P3H2: variants seen among roughly 807,000 people sequenced by gnomAD.
P3H2 encodes the protein leprecan-like 1.
In P3H2, 80 loss-of-function variants were observed where a neutral mutation model predicts 87.0. The observed-to-expected ratio is 0.92, with a 90% CI of 0.77 to 1.11. P3H2 has a LOEUF of 1.11. Ranked by LOEUF, P3H2 falls within the 50% of genes least tolerant of loss-of-function variation. The pLI is 0.00. For synonymous variants in P3H2, 367 were observed against 359.3 expected (o/e 1.02, Z -0.24); for missense variants, 1,001 against 923.9 (o/e 1.08, Z -1.08).
intron 1 of P3H2, among the ~76,000 whole-genome samples, chr3:190,088,443 C>CACTACACTGATGTACAAGGTAAG (rs1727297779): frequency 6.6e-6 from 1 of 151,698 alleles, no homozygotes; most frequent in Admixed American, 6.6e-5. Context: ...AGCCTGTGTT[C>CACTACACTGATGTACAAGGTAAG]CCTTTCACTA....
chr3:190,104,390 C>T (rs1416965070), intron 1 of P3H2, among the ~76,000 whole-genome samples: 2 of 152,106 alleles, frequency 1.3e-5, no homozygotes, highest in Admixed American at 1.3e-4. Flanking sequence ...CAGGGCACTC[C>T]TCCCGCTCCC....
chr3:190,072,320 C>A (rs1416657735), intron 1 of P3H2, among the ~76,000 whole-genome samples: 1 of 152,094 alleles, frequency 6.6e-6, no homozygotes, highest in Non-Finnish European at 1.5e-5. Context: ...AGCCACCATG[C>A]CCGGTCAAGA....
chr3:189,957,799 C>G lies in P3H2; in HGVS notation c.*113G>C. 2.7e-6 allele frequency: 2 copies of G among 730,550 alleles called. No homozygotes were observed. The highest frequency in any genetic ancestry group is 4.1e-5 in the Admixed American group (2 of 48,550). The allele number at this position is 730,550 out of a possible 1,614,324, so 45.3% of individuals were successfully genotyped here. On this transcript the variant is annotated 3_prime_UTR_variant, in exon 15 of 15. Coordinates refer to ENST00000319332, the MANE Select transcript of P3H2 (RefSeq NM_018192.4). ...GCATCCTTAGGAAGAGAAGGAAGAT[C>G]TGATGACTGACATTAACCTGTTAAT...
chr3:189,973,768 C>A lies in P3H2; in HGVS notation c.1548+141G>T. 3 of 746,842 alleles carry A rather than the reference C, an allele frequency of 4.0e-6. No homozygotes were observed. The East Asian group carries it at 7.7e-5, about 19-fold the overall frequency. 46.3% of individuals were successfully genotyped at this position (746,842 alleles called of 1,614,324 possible). A position where few individuals can be genotyped will look rare whatever the true frequency, so the allele number is the denominator to read the frequency against. ...CTCGATCTCCTGACCTCGTGATCTG[C>A]CTGCCTCAGCCTCCCAAAGTGCTGG... On this transcript the variant is annotated intron_variant, in intron 10 of 14. Coordinates refer to ENST00000319332, the MANE Select transcript of P3H2 (RefSeq NM_018192.4).
chr3:190,001,296 C>T (rs548977553), intron 1 of P3H2, among the ~76,000 whole-genome samples: 1 of 152,274 alleles, frequency 6.6e-6, no homozygotes, highest in South Asian at 2.1e-4. Flanking sequence ...CATGGAAATA[C>T]CACTATGTAC....
intron 1 of P3H2, among the ~76,000 whole-genome samples, chr3:190,066,796 C>T (rs1379593082): frequency 6.6e-6 from 1 of 152,062 alleles, no homozygotes; most frequent in Non-Finnish European, 1.5e-5. Context: ...AGAGCTCTAG[C>T]CCTGTCTATT....
chr3:190,009,924 G>A (rs1335409945), intron 1 of P3H2, among the ~76,000 whole-genome samples: 1 of 152,118 alleles, frequency 6.6e-6, no homozygotes, highest in African/African-American at 2.4e-5. Flanking sequence ...AAGGCTATAT[G>A]ACTTGAAACT....
chr3:190,030,152 A>G lies in P3H2; in HGVS notation c.481-34710T>C, dbSNP rs144606559. ...AAAATAAATTTAAACATATAATGAG[A>G]AAAGATAATATCTATATATTCCATA... On this transcript the variant is annotated intron_variant, in intron 1 of 14. Coordinates refer to ENST00000319332, the MANE Select transcript of P3H2 (RefSeq NM_018192.4). Among the ~76,000 whole-genome samples the G allele has an allele frequency of 2.0e-5, 3 of 152,316 alleles. No individual in the cohort carries two copies. In the East Asian group the frequency reaches 5.8e-4, roughly 29 times the overall value.
At chr3:190,036,194 C>G (rs7645650) in intron 1 of P3H2, among the ~76,000 whole-genome samples, 122,238 of 151,916 alleles carry the variant, frequency 0.8, 49,229 homozygotes, top group East Asian at 0.86. Context: ...ATAACCACAT[C>G]ACTCTGCCTT....
At chr3:190,106,039 A>G (rs919136043) in intron 1 of P3H2, among the ~76,000 whole-genome samples, 3 of 152,234 alleles carry the variant, frequency 2.0e-5, no homozygotes, top group African/African-American at 7.2e-5. Flanking sequence ...GGTACAAGAA[A>G]TCAGGGTAGG....
chr3:189,999,627 T>C (rs916276575), intron 1 of P3H2, among the ~76,000 whole-genome samples: 30 of 152,148 alleles, frequency 2.0e-4, no homozygotes, highest in Admixed American at 2.0e-3. Flanking sequence ...AGTTAAAGGC[T>C]CCAAACTGGA....
chr3:190,111,689 C>A lies in P3H2; in HGVS notation c.480+8563G>T, dbSNP rs1176006162. ...TTTAAACATCACTTCCTCCATGAAA[C>A]CAGTTTCTGGTCTTCCTATTCCCCA... On this transcript the variant is annotated intron_variant, in intron 1 of 14. Transcript: ENST00000319332. 3.3e-5 allele frequency among the ~76,000 whole-genome samples: 5 copies of A among 152,304 alleles called. No homozygotes were observed. The East Asian group carries it at 5.8e-4, about 18-fold the overall frequency.
intron 1 of P3H2, among the ~76,000 whole-genome samples, chr3:190,084,581 T>C (rs1727150126): frequency 1.3e-5 from 2 of 152,204 alleles, no homozygotes; most frequent in African/African-American, 4.8e-5. Flanking sequence ...GTGCTGAATC[T>C]GAAATTGTTA....
chr3:190,002,813 A>G (rs562143332), intron 1 of P3H2, among the ~76,000 whole-genome samples: 84 of 152,366 alleles, frequency 5.5e-4, no homozygotes, highest in Non-Finnish European at 8.7e-4. Context: ...TTAGCAAGGA[A>G]ACTCAGGGAC....
At chr3:189,996,573 T>C (rs769981992) in intron 1 of P3H2, among the ~76,000 whole-genome samples, 2 of 152,228 alleles carry the variant, frequency 1.3e-5, no homozygotes, top group African/African-American at 2.4e-5. Context: ...CTAACAATTA[T>C]GTATTGTATA....
chr3:190,027,347 G>C (rs1725114406), intron 1 of P3H2, among the ~76,000 whole-genome samples: 1 of 152,080 alleles, frequency 6.6e-6, no homozygotes, highest in Non-Finnish European at 1.5e-5. Context: ...TATCCACAAG[G>C]GCAAGAACAG....
At chr3:190,121,275 A>G (rs894696022), upstream of P3H2, among the ~76,000 whole-genome samples, 5 of 152,040 alleles carry the variant, frequency 3.3e-5, no homozygotes, top group Admixed American at 2.0e-4. Flanking sequence ...ATCAAACCGT[A>G]GATGCCATGT....
intron 1 of P3H2, among the ~76,000 whole-genome samples, chr3:190,018,297 A>G (rs1724832567): frequency 1.3e-5 from 2 of 152,210 alleles, no homozygotes; most frequent in South Asian, 4.1e-4. Flanking sequence ...AATCATGGTT[A>G]TCATGTATTG....
intron 1 of P3H2, among the ~76,000 whole-genome samples, chr3:190,114,064 A>G (rs1712181586): frequency 1.9e-5 from 2 of 104,240 alleles, no homozygotes; most frequent in Admixed American, 9.7e-5. Flanking sequence ...TGGGCGACAG[A>G]GTGAGACTCC....
Sources: gnomAD v4.1 joint callset for allele counts (sites outside exome capture counted in the v4.1 genomes callset) on GRCh38, gnomAD v4.1.1 for gene constraint, MANE v1.5 for transcripts, NCBI Gene and HGNC (gene_info 2026-07-23, HGNC 2026-07-21) for gene names.